Variants in SP100 observed in about 807,000 individuals in gnomAD.
SP100 encodes the protein SP100 nuclear body protein.
SP100 carries 84 observed loss-of-function variants against 130.0 expected under a neutral mutation model. The observed-to-expected ratio is 0.65, with a 90% CI of 0.54 to 0.77. The LOEUF (loss-of-function observed/expected upper bound fraction) is 0.77, where lower values mean the gene tolerates loss of function less well. Among genes scored for constraint, SP100 ranks in the 30% least tolerant of loss-of-function variants. SP100 has a pLI of 0.00. For missense variants in SP100, 978 were observed against 1,052.2 expected (o/e 0.93, Z 0.97); for synonymous variants, 331 against 351.7 (o/e 0.94, Z 0.66).
chr2:230,503,172 T>G, intron 20 of SP100, 62 bp downstream of exon 20: 2 of 1,228,682 alleles, frequency 1.6e-6, no homozygotes, highest in Non-Finnish European at 2.3e-6. Context: ...TATTCTGTAC[T>G]GTGAGTAACA....
In SP100 at chr2:230,461,426, T is replaced by C; in HGVS notation, c.973+12T>C. 1 of 1,613,662 alleles carries C rather than the reference T, an allele frequency of 6.2e-7. No individual in the cohort carries two copies. The highest frequency in any genetic ancestry group is 8.5e-7 in the Non-Finnish European group (1 of 1,179,710). On this transcript the variant is annotated intron_variant, in intron 9 of 28. Coordinates refer to ENST00000340126, the MANE Select transcript of SP100 (RefSeq NM_001080391.2). ...ATCTGACATAATAGGTAAGGCTGAC[T>C]GGGAGAGTTTGTAACTGTGAGTCAC...
intron 15 of SP100, among the ~76,000 whole-genome samples, chr2:230,471,372 AT>A (rs1450773030): frequency 2.0e-5 from 3 of 152,324 alleles, no homozygotes; most frequent in African/African-American, 7.2e-5. Flanking sequence ...ATAGTTCAGC[AT>A]GACCACATTG....
At chr2:230,524,157 A>T (rs1691301303) in intron 24 of SP100, among the ~76,000 whole-genome samples, 1 of 145,256 alleles carries the variant, frequency 6.9e-6, no homozygotes, top group Non-Finnish European at 1.5e-5. Flanking sequence ...AACATGGTGA[A>T]ACCCTGTCTA....
chr2:230,501,872 A>T (rs1444237110), intron 19 of SP100, among the ~76,000 whole-genome samples: 1 of 151,844 alleles, frequency 6.6e-6, no homozygotes, highest in Non-Finnish European at 1.5e-5. Flanking sequence ...TGCTTCCAAG[A>T]TTTGTTTCTT....
chr2:230,430,588 G>A (rs944556078), intron 2 of SP100, among the ~76,000 whole-genome samples: 2 of 152,248 alleles, frequency 1.3e-5, no homozygotes. Flanking sequence ...TGGAATCCCT[G>A]TTCAGGCAAA....
intron 24 of SP100, among the ~76,000 whole-genome samples, chr2:230,522,603 C>T (rs1196071482): frequency 6.6e-6 from 1 of 150,438 alleles, no homozygotes; most frequent in Non-Finnish European, 1.5e-5. Context: ...ATTCTCCTGC[C>T]TCAGCCTCCC....
chr2:230,459,233 A>T (rs114160027), intron 8 of SP100, among the ~76,000 whole-genome samples: 1 of 152,336 alleles, frequency 6.6e-6, no homozygotes, highest in Non-Finnish European at 1.5e-5. Context: ...CAATGAATGA[A>T]AAATTGGTAG....
intron 2 of SP100, among the ~76,000 whole-genome samples, chr2:230,428,181 C>G (rs1575591798): frequency 6.6e-6 from 1 of 152,140 alleles, no homozygotes; most frequent in East Asian, 1.9e-4. Flanking sequence ...AAGATAGCAC[C>G]ATTGCACTCC....
intron 24 of SP100, among the ~76,000 whole-genome samples, chr2:230,525,623 G>T (rs1032934736): frequency 4.6e-5 from 7 of 152,202 alleles, no homozygotes; most frequent in African/African-American, 1.7e-4. Flanking sequence ...CCTCACCCAG[G>T]AAGCACAAGG....
At chr2:230,487,724 T>G (rs965759610) in intron 17 of SP100, among the ~76,000 whole-genome samples, 3 of 152,152 alleles carry the variant, frequency 2.0e-5, no homozygotes, top group Admixed American at 1.3e-4. Flanking sequence ...CTGTGAAGAA[T>G]GTCAATGGTA....
At chr2:230,524,195 A>AAAAAAAG (rs1553645458) in intron 24 of SP100, among the ~76,000 whole-genome samples, 84 of 143,154 alleles carry the variant, frequency 5.9e-4, no homozygotes, top group Non-Finnish European at 9.2e-4. Context: ...AAAAAAAAAA[A>AAAAAAAG]AAAAAAGAAA....
intron 2 of SP100, among the ~76,000 whole-genome samples, chr2:230,428,387 C>T (rs1339825539): frequency 6.6e-6 from 1 of 151,968 alleles, no homozygotes; most frequent in Non-Finnish European, 1.5e-5. Context: ...GAAGGGGAAG[C>T]AAGCACGTCT....
chr2:230,433,723 TG>T (rs766234708), intron 2 of SP100, among the ~76,000 whole-genome samples: 40 of 152,058 alleles, frequency 2.6e-4, no homozygotes, highest in Non-Finnish European at 5.4e-4. Context: ...TATTTTTAAA[TG>T]TTTTATTATT....
chr2:230,444,190 T>C lies in SP100; in HGVS notation c.283T>C (p.Ser95Pro). ...TNKMFEDSQD[S>P]CRNLVPVQRV... ...AATATTTTTTAAGGATTCTCAAGAT[T>C]CTTGTAGAAACCTGGTCCCTGTACA... is the stretch of plus-strand genomic sequence containing the variant. Residue 95 changes from serine (S) to proline (P), a missense_variant, in exon 4 of 29, where the codon TCT (serine) becomes CCT (proline). Transcript: ENST00000340126. 6.3e-7 allele frequency: 1 copy of C among 1,575,224 alleles called. No individual in the cohort carries two copies. The highest frequency in any genetic ancestry group is 8.6e-7 in the Non-Finnish European group (1 of 1,166,092).
intron 9 of SP100, 80 bp downstream of exon 9, chr2:230,461,494 C>A (rs552902374): frequency 7.0e-7 from 1 of 1,422,040 alleles, no homozygotes; most frequent in Non-Finnish European, 9.8e-7. Context: ...CACGGACCAT[C>A]GGGGCAGTGC....
chr2:230,486,094 T>C (rs2066072675), intron 17 of SP100, among the ~76,000 whole-genome samples: 1 of 152,010 alleles, frequency 6.6e-6, no homozygotes, highest in Admixed American at 6.6e-5. Context: ...TATAATTGAC[T>C]CACAGTTCCA....
At chr2:230,511,065 T>C in intron 23 of SP100, 60 bp from the exon 24 acceptor site, 2 of 1,119,750 alleles carry the variant, frequency 1.8e-6, no homozygotes, top group Non-Finnish European at 2.7e-6. Flanking sequence ...TCTGTTCAAA[T>C]GTGGGGTTAA....
At chr2:230,476,358 A>C (rs2150006642) in intron 17 of SP100, among the ~76,000 whole-genome samples, 1 of 152,336 alleles carries the variant, frequency 6.6e-6, no homozygotes, top group Non-Finnish European at 1.5e-5. Context: ...TAGTGTATAA[A>C]GATGCTACTG....
chr2:230,521,618 C>T (rs1280995863), intron 24 of SP100, among the ~76,000 whole-genome samples: 1 of 152,202 alleles, frequency 6.6e-6, no homozygotes, highest in Non-Finnish European at 1.5e-5. Flanking sequence ...CTTGTTGTCT[C>T]AGTGATTGGC....
Sources: gnomAD v4.1 joint callset for allele counts (sites outside exome capture counted in the v4.1 genomes callset) on GRCh38, gnomAD v4.1.1 for gene constraint, MANE v1.5 for transcripts, NCBI Gene and HGNC (gene_info 2026-07-23, HGNC 2026-07-21) for gene names.